MIEF1: variants seen among roughly 807,000 people sequenced by gnomAD.
MIEF1 encodes mitochondrial dynamics protein MIEF1.
Under a neutral mutation model 35.1 loss-of-function variants are expected in MIEF1, and 14 were observed. That is an observed-to-expected ratio of 0.40 (90% CI 0.26 to 0.62). The LOEUF (loss-of-function observed/expected upper bound fraction) is 0.62. Ranked by LOEUF, MIEF1 falls within the 20% of genes least tolerant of loss-of-function variation. The pLI, the probability that MIEF1 is intolerant of heterozygous loss-of-function variation, is 0.43. For synonymous variants in MIEF1, 245 were observed against 254.3 expected (o/e 0.96, Z 0.35); for missense variants, 542 against 615.4 (o/e 0.88, Z 1.26).
chr22:39,513,011 A>G (rs895572658), intron 5 of MIEF1, among the ~76,000 whole-genome samples: 2 of 152,134 alleles, frequency 1.3e-5, no homozygotes, highest in Admixed American at 6.5e-5. Context: ...CTAGGAAGCT[A>G]TAAGAGGCCT....
Position 39,517,239 on chromosome 22 carries a change from A to C in MIEF1, c.*2916A>C, listed in dbSNP as rs1296125721. On this transcript the variant is annotated 3_prime_UTR_variant, in exon 6 of 6. Coordinates refer to ENST00000325301, the MANE Select transcript of MIEF1 (RefSeq NM_019008.6). ...ACGTAGCCTAACACTTAAAAAATGC[A>C]CTCATTATCTTAAACCTAATAAATT... 5.7e-6 allele frequency: 1 copy of C among 176,844 alleles called. No individual in the cohort carries two copies. Among genetic ancestry groups the C allele is most frequent in the African/African-American group, 2.4e-5 (1 of 41,760 alleles). 11.0% of individuals were successfully genotyped at this position (176,844 alleles called of 1,614,324 possible).
chr22:39,515,126 T>C lies in MIEF1; in HGVS notation c.*803T>C, dbSNP rs1224594758. The stretch of plus-strand genomic sequence containing the variant: ...TTGTGTGCCCAGTGTCTGCTCGTCA[T>C]CTGTGGCTGCAGGGGTCAGACAGAC... On this transcript the variant is annotated 3_prime_UTR_variant, in exon 6 of 6. Coordinates refer to ENST00000325301, the MANE Select transcript of MIEF1 (RefSeq NM_019008.6). 7 of 628,550 alleles carry C rather than the reference T, an allele frequency of 1.1e-5. No individual in the cohort carries two copies. Among genetic ancestry groups the C allele is most frequent in the African/African-American group, 1.1e-4 (6 of 54,490 alleles). The allele number at this position is 628,550 out of a possible 1,614,324, so 38.9% of individuals were successfully genotyped here.
chr22:39,511,703 G>A, intron 3 of MIEF1, 146 bp from the exon 4 acceptor site: 1 of 1,189,682 alleles, frequency 8.4e-7, no homozygotes, highest in South Asian at 1.7e-5. Context: ...GAGATTTTCT[G>A]CGTGGAGCAA....
chr22:39,500,863 T>G (rs1264888895), upstream of MIEF1, among the ~76,000 whole-genome samples: 1 of 151,782 alleles, frequency 6.6e-6, no homozygotes, highest in Non-Finnish European at 1.5e-5. Context: ...TCCCGGCTAA[T>G]TTTTGTATTT....
intron 5 of MIEF1, among the ~76,000 whole-genome samples, chr22:39,513,104 T>C (rs1930447940): frequency 6.7e-6 from 1 of 149,940 alleles, no homozygotes; most frequent in South Asian, 2.1e-4. Context: ...GAAAGAATTT[T>C]TTTTTTTTTT....
intron 2 of MIEF1, among the ~76,000 whole-genome samples, chr22:39,507,370 C>T (rs1367849964): frequency 4.6e-5 from 7 of 151,704 alleles, no homozygotes; most frequent in South Asian, 4.2e-4. Context: ...CTCGGCCTCC[C>T]GAGTAGCTGG....
At chr22:39,511,497 T>C (rs1930338676) in intron 3 of MIEF1, 59 bp downstream of exon 3, 9 of 1,468,448 alleles carry the variant, frequency 6.1e-6, no homozygotes, top group Non-Finnish European at 7.2e-6. Context: ...TAAGATGTAA[T>C]GTTTTATAGA....
chr22:39,501,067 A>T (rs1440630523), upstream of MIEF1, among the ~76,000 whole-genome samples: 4 of 152,070 alleles, frequency 2.6e-5, no homozygotes, highest in Admixed American at 2.6e-4. Flanking sequence ...AGCCAGACAG[A>T]TCCCATTGAA....
At position 39,515,183 on chromosome 22, in the gene MIEF1, C is replaced by T. The variant is rs939758228; in HGVS notation, c.*860C>T. ...GGGGACTGCCAGGGCACCACTTCAT[C>T]ATGAATGCTGGTTTTCACACCTTTT... On this transcript the variant is annotated 3_prime_UTR_variant, in exon 6 of 6. Coordinates refer to ENST00000325301, the MANE Select transcript of MIEF1 (RefSeq NM_019008.6). 2 of 676,178 alleles carry T rather than the reference C, an allele frequency of 3.0e-6. No individual in the cohort carries two copies. The highest frequency in any genetic ancestry group is 2.8e-6 in the Non-Finnish European group (1 of 362,694). 41.9% of individuals were successfully genotyped at this position (676,178 alleles called of 1,614,324 possible).
At position 39,516,536 on chromosome 22, in the gene MIEF1, C is replaced by T. The variant is rs949483965; in HGVS notation, c.*2213C>T. ...TGGCCAACATGGTGAAACCCCGTCT[C>T]CACGAAAAAGATAAAAATAAGCTGG... is the stretch of plus-strand genomic sequence containing the variant. On this transcript the variant is annotated 3_prime_UTR_variant, in exon 6 of 6. Transcript: ENST00000325301. The T allele has an allele frequency of 1.3e-5, 2 of 152,124 alleles. No individual in the cohort carries two copies. Among genetic ancestry groups the T allele is most frequent in the African/African-American group, 4.8e-5 (2 of 41,414 alleles). The allele number at this position is 152,124 out of a possible 1,614,324, so 9.4% of individuals were successfully genotyped here.
At position 39,515,987 on chromosome 22, in the gene MIEF1, G is replaced by A. The variant is rs988458080; in HGVS notation, c.*1664G>A. 6.6e-6 allele frequency: 1 copy of A among 152,452 alleles called. No homozygotes were observed. The highest frequency in any genetic ancestry group is 2.4e-5 in the African/African-American group (1 of 41,386). 9.4% of individuals were successfully genotyped at this position (152,452 alleles called of 1,614,324 possible). A position where few individuals can be genotyped will look rare whatever the true frequency, so the allele number is the denominator to read the frequency against. On this transcript the variant is annotated 3_prime_UTR_variant, in exon 6 of 6. Transcript: ENST00000325301. ...ACAGATTAGGAAATTGAGAACTAGG[G>A]TTAACCTTGACTATATTTAGAGGTC...
chr22:39,501,449 T>G (rs1197209529), upstream of MIEF1, among the ~76,000 whole-genome samples: 1 of 152,082 alleles, frequency 6.6e-6, no homozygotes, highest in East Asian at 1.9e-4. Context: ...TGTCCCTAAG[T>G]GGTGGAACTG....
intron 2 of MIEF1, among the ~76,000 whole-genome samples, chr22:39,508,062 C>G (rs954986270): frequency 1.1e-4 from 17 of 152,174 alleles, no homozygotes; most frequent in Non-Finnish European, 2.4e-4. Context: ...TTGTGGAGCA[C>G]TTTTACAGTT....
chr22:39,504,159 T>C (rs1419339027), intron 1 of MIEF1, 44 bp from the exon 2 acceptor site: 1 of 398,514 alleles, frequency 2.5e-6, no homozygotes, highest in African/African-American at 2.1e-5. Flanking sequence ...CCTTTTGTTA[T>C]TAATTCTGAT....
intron 1 of MIEF1, chr22:39,503,406 C>T (rs1330023511): frequency 1.3e-5 from 2 of 152,190 alleles, no homozygotes; most frequent in Non-Finnish European, 2.9e-5. Flanking sequence ...AGAACCCTGA[C>T]CACCTTCTAG....
At chr22:39,500,694 T>C (rs532011965), upstream of MIEF1, among the ~76,000 whole-genome samples, 1 of 151,808 alleles carries the variant, frequency 6.6e-6, no homozygotes, top group Admixed American at 6.6e-5. Flanking sequence ...TTTTCTTTTC[T>C]TTTCTTTTTC....
At chr22:39,511,190 C>G in intron 2 of MIEF1, 98 bp from the exon 3 acceptor site, 2 of 1,506,530 alleles carry the variant, frequency 1.3e-6, no homozygotes, top group Non-Finnish European at 1.8e-6. Flanking sequence ...GTTGCTGGAA[C>G]TCACAGAGTA....
intron 3 of MIEF1, 108 bp downstream of exon 3, chr22:39,511,546 A>G (rs1177783898): frequency 1.4e-6 from 2 of 1,415,666 alleles, no homozygotes; most frequent in African/African-American, 1.4e-5. Context: ...AATGATCGCA[A>G]TGATAAGTGA....
chr22:39,507,591 T>C (rs1930109809), intron 2 of MIEF1, among the ~76,000 whole-genome samples: 1 of 150,710 alleles, frequency 6.6e-6, no homozygotes, highest in South Asian at 2.1e-4. Context: ...TGATCTCAGC[T>C]GTTGGCTCAC....
Sources: allele counts gnomAD v4.1 joint callset (sites outside exome capture counted in the v4.1 genomes callset), GRCh38; gene constraint gnomAD v4.1.1; transcripts MANE v1.5; gene names NCBI Gene and HGNC (gene_info 2026-07-23, HGNC 2026-07-21).